Variants in AGBL4 observed in about 807,000 individuals in gnomAD.
The protein encoded by AGBL4 is AGBL carboxypeptidase 4, also known as cytosolic carboxypeptidase 6.
Under a neutral mutation model 66.4 loss-of-function variants are expected in AGBL4, and 58 were observed. That is an observed-to-expected ratio of 0.87 (90% CI 0.71 to 1.09). AGBL4 has a LOEUF of 1.09. Ranked by LOEUF, AGBL4 falls within the 50% of genes least tolerant of loss-of-function variation. The pLI is 0.00. For missense variants in AGBL4, 579 were observed against 631.0 expected, an observed-to-expected ratio of 0.92 and a Z score of 0.88; for synonymous variants, 234 against 222.9, an observed-to-expected ratio of 1.05 and a Z score of -0.44.
chr1:49,741,241 T>C (rs1650432034), intron 2 of AGBL4, among the ~76,000 whole-genome samples: 1 of 152,066 alleles, frequency 6.6e-6, no homozygotes, highest in South Asian at 2.1e-4. Context: ...CCCACAGAAA[T>C]ACAAACTACC....
chr1:49,100,509 G>T (rs745459248), intron 4 of AGBL4, among the ~76,000 whole-genome samples: 1 of 152,162 alleles, frequency 6.6e-6, no homozygotes, highest in Non-Finnish European at 1.5e-5. Flanking sequence ...CACCAAATCC[G>T]GACTGGCAAT....
rs558323741 is a variant in AGBL4 at position 49,943,586 on chromosome 1, G to A, written c.34+80177C>T. On this transcript the variant is annotated intron_variant, in intron 1 of 13. Transcript: ENST00000371839. ...TGGAGCTAAGTCAATTTAGAGAACCGAGAGAAATACAGGGGTAGATGAAAC... is the reference window on the plus strand; with the variant it reads ...TGGAGCTAAGTCAATTTAGAGAACCAAGAGAAATACAGGGGTAGATGAAAC... Among the ~76,000 whole-genome samples, 90 of 152,164 alleles carry A rather than the reference G, an allele frequency of 5.9e-4. 1 individual carries two copies. Among genetic ancestry groups the A allele is most frequent in the African/African-American group, 2.0e-3 (84 of 41,534 alleles).
chr1:49,090,922 G>C (rs1289975448), intron 4 of AGBL4, among the ~76,000 whole-genome samples: 2 of 152,056 alleles, frequency 1.3e-5, no homozygotes, highest in African/African-American at 4.8e-5. Flanking sequence ...AGAGAGCCCA[G>C]AAATAAAGCT....
chr1:49,841,375 C>A (rs1645984643), intron 2 of AGBL4, among the ~76,000 whole-genome samples: 1 of 152,126 alleles, frequency 6.6e-6, no homozygotes, highest in African/African-American at 2.4e-5. Context: ...ACATACCATG[C>A]TCATTGATTG....
chr1:48,949,654 C>A (rs1571075977), intron 5 of AGBL4, among the ~76,000 whole-genome samples: 1 of 152,138 alleles, frequency 6.6e-6, no homozygotes, highest in African/African-American at 2.4e-5. Flanking sequence ...TCCTTCTGTT[C>A]TCTTTGCACT....
intron 9 of AGBL4, among the ~76,000 whole-genome samples, chr1:48,599,392 C>G (rs1645043318): frequency 6.6e-6 from 1 of 152,188 alleles, no homozygotes; most frequent in Non-Finnish European, 1.5e-5. Context: ...ACCCCAGCAT[C>G]ACTACAAACA....
chr1:48,888,292 G>T (rs1413627244), intron 5 of AGBL4, among the ~76,000 whole-genome samples: 1 of 152,078 alleles, frequency 6.6e-6, no homozygotes, highest in Non-Finnish European at 1.5e-5. Context: ...TGTCAATGGG[G>T]AGCTACTTTC....
chr1:48,710,520 G>A (rs1359625586), intron 6 of AGBL4, among the ~76,000 whole-genome samples: 3 of 152,216 alleles, frequency 2.0e-5, no homozygotes, highest in Non-Finnish European at 4.4e-5. Context: ...ACAAAGGCCA[G>A]ATTGGATACC....
At chr1:48,952,885 CT>C (rs1657119654) in intron 5 of AGBL4, among the ~76,000 whole-genome samples, 1 of 151,986 alleles carries the variant, frequency 6.6e-6, no homozygotes, top group Non-Finnish European at 1.5e-5. Context: ...AGCTCATCAG[CT>C]ATCATTAGTG....
intron 9 of AGBL4, among the ~76,000 whole-genome samples, chr1:48,608,826 G>T (rs1557825617): frequency 6.6e-6 from 1 of 151,470 alleles, no homozygotes; most frequent in African/African-American, 2.4e-5. Flanking sequence ...AAAGTTTGTT[G>T]AAAAAAAACC....
intron 5 of AGBL4, among the ~76,000 whole-genome samples, chr1:48,972,106 A>G (rs1658956012): frequency 6.6e-6 from 1 of 152,124 alleles, no homozygotes; most frequent in Admixed American, 6.6e-5. Flanking sequence ...TCATTTTAAA[A>G]TAAACAGTCT....
At chr1:49,660,103 G>T (rs1425922428) in intron 3 of AGBL4, among the ~76,000 whole-genome samples, 1 of 150,886 alleles carries the variant, frequency 6.6e-6, no homozygotes, top group Non-Finnish European at 1.5e-5. Flanking sequence ...ATGATGAATA[G>T]GAGCTAATTA....
At chr1:49,717,313 T>G (rs1469561429) in intron 2 of AGBL4, among the ~76,000 whole-genome samples, 1 of 152,118 alleles carries the variant, frequency 6.6e-6, no homozygotes, top group African/African-American at 2.4e-5. Context: ...GCTATCCCCA[T>G]CAAGCTACCA....
chr1:49,892,029 A>C (rs1366308845), intron 1 of AGBL4, among the ~76,000 whole-genome samples: 1 of 152,178 alleles, frequency 6.6e-6, no homozygotes. Flanking sequence ...GGAACTAAAA[A>C]AACAAAGGAC....
At chr1:49,187,148 C>G (rs376880495) in intron 4 of AGBL4, 1 of 152,136 alleles carries the variant, frequency 6.6e-6, no homozygotes, top group Non-Finnish European at 1.5e-5. Flanking sequence ...GACACAGCAG[C>G]CTTTTTGGGG....
chr1:49,368,684 C>T lies in AGBL4; in HGVS notation c.283-122820G>A, dbSNP rs370314863. 2.5e-4 allele frequency among the ~76,000 whole-genome samples: 38 copies of T among 152,268 alleles called. 1 individual carries two copies. The highest frequency in any genetic ancestry group is 9.1e-4 in the African/African-American group (38 of 41,548). ...TTTCTGTCCCACCTATCAAAGCAAT[C>T]TGTGGGTTCTTTTAGTCAGTCTAAT... On this transcript the variant is annotated intron_variant, in intron 3 of 13. Transcript: ENST00000371839.
intron 3 of AGBL4, among the ~76,000 whole-genome samples, chr1:49,630,496 T>C (rs534575266): frequency 1.3e-5 from 2 of 152,282 alleles, no homozygotes; most frequent in South Asian, 2.1e-4. Flanking sequence ...AGATATCACT[T>C]TCTTCAGGCT....
chr1:49,909,901 T>C (rs955423918), intron 1 of AGBL4, among the ~76,000 whole-genome samples: 1 of 152,090 alleles, frequency 6.6e-6, no homozygotes, highest in African/African-American at 2.4e-5. Flanking sequence ...GAGAAACAGA[T>C]TTGAAAGGGG....
At chr1:48,837,140 T>C (rs1646695763) in intron 6 of AGBL4, among the ~76,000 whole-genome samples, 1 of 151,376 alleles carries the variant, frequency 6.6e-6, no homozygotes, top group Non-Finnish European at 1.5e-5. Context: ...GGATAGTGAG[T>C]TGGCAAGTAA....
Sources: allele counts gnomAD v4.1 joint callset (sites outside exome capture counted in the v4.1 genomes callset), GRCh38; gene constraint gnomAD v4.1.1; transcripts MANE v1.5; gene names NCBI Gene and HGNC (gene_info 2026-07-23, HGNC 2026-07-21).